PRDM16: variants seen among roughly 807,000 people sequenced by gnomAD.
The protein encoded by PRDM16 is histone-lysine N-methyltransferase PRDM16.
In PRDM16, 23 loss-of-function variants were observed where a neutral mutation model predicts 110.6. That is an observed-to-expected ratio of 0.21 (90% confidence interval 0.15 to 0.29). The LOEUF is 0.29. Ranked by LOEUF, PRDM16 falls within the 10% of genes least tolerant of loss-of-function variation. The probability of loss-of-function intolerance (pLI) is 1.00; values close to 1 mark genes in which losing one functional copy is unlikely to be tolerated. For missense variants in PRDM16, 1,615 were observed against 1,794.3 expected (o/e 0.90, Z 1.81); for synonymous variants, 799 against 781.8 (o/e 1.02, Z -0.37).
At chr1:3,381,395 T>C (rs927771310) in intron 3 of PRDM16, among the ~76,000 whole-genome samples, 9 of 151,282 alleles carry the variant, frequency 5.9e-5, no homozygotes, top group African/African-American at 2.2e-4. Context: ...TCTTGTTTTT[T>C]TCTGGTTTTT....
intron 8 of PRDM16, among the ~76,000 whole-genome samples, chr1:3,406,401 C>T (rs947216148): frequency 2.0e-5 from 3 of 152,028 alleles, no homozygotes; most frequent in Non-Finnish European, 4.4e-5. Flanking sequence ...CGTAGAGGCC[C>T]AGAGGCCAGG....
At chr1:3,283,075 G>T (rs1315899022) in intron 3 of PRDM16, among the ~76,000 whole-genome samples, 1 of 152,242 alleles carries the variant, frequency 6.6e-6, no homozygotes, top group Non-Finnish European at 1.5e-5. Flanking sequence ...TTCCCGAGCA[G>T]GTGCGGGGTG....
chr1:3,340,043 C>T (rs760056780), intron 3 of PRDM16, among the ~76,000 whole-genome samples: 4 of 152,192 alleles, frequency 2.6e-5, no homozygotes, highest in Non-Finnish European at 5.9e-5. Flanking sequence ...ATCTCTGCTG[C>T]GTATGGACGG....
intron 1 of PRDM16, among the ~76,000 whole-genome samples, chr1:3,115,952 G>A (rs1642947535): frequency 6.6e-6 from 1 of 152,118 alleles, no homozygotes; most frequent in Admixed American, 6.5e-5. Flanking sequence ...TGCTATCTAG[G>A]CTGTCCATGC....
Position 3,157,079 on chromosome 1 carries a change from C to T in PRDM16, c.38-29046C>T, listed in dbSNP as rs973919216. ...GAGGTGACCGCCGGCCAGAACCAGCCGTGGCTGCCCAGTCGCCCAGATGGT... is the reference window on the plus strand; with the variant it reads ...GAGGTGACCGCCGGCCAGAACCAGCTGTGGCTGCCCAGTCGCCCAGATGGT... On this transcript the variant is annotated intron_variant, in intron 1 of 16. Coordinates refer to ENST00000270722, the MANE Select transcript of PRDM16 (RefSeq NM_022114.4). This position sits in a 1 kb window ranked among gnomAD's most constrained non-coding sequence, Gnocchi z 4.8. Among the ~76,000 whole-genome samples the T allele has an allele frequency of 6.6e-5, 10 of 152,148 alleles. No individual in the cohort carries two copies. Among genetic ancestry groups the T allele is most frequent in the South Asian group, 2.1e-4 (1 of 4,822 alleles).
chr1:3,428,482 C>A (rs1638681962), intron 14 of PRDM16, among the ~76,000 whole-genome samples: 1 of 152,238 alleles, frequency 6.6e-6, no homozygotes, highest in Non-Finnish European at 1.5e-5. Flanking sequence ...GCACAGCCGG[C>A]CTCAGACGGA....
rs925970826 is a variant in PRDM16, at chr1:3,069,589, G to A, written c.37+293G>A. Among the ~76,000 whole-genome samples, 247 of 149,988 alleles carry A rather than the reference G, an allele frequency of 1.6e-3. 5 individuals carry two copies. The highest frequency in any genetic ancestry group is 3.9e-3 in the East Asian group (19 of 4,904). On this transcript the variant is annotated intron_variant, in intron 1 of 16. Transcript: ENST00000270722. This position sits in a 1 kb window ranked among gnomAD's most constrained non-coding sequence, Gnocchi z 6.1. ...GCGCTCGGGCCCGGGAACCCGAGGCGCGCGGTGGGGGCCGGGGAGGGGGGC... is the reference window on the plus strand; with the variant it reads ...GCGCTCGGGCCCGGGAACCCGAGGCACGCGGTGGGGGCCGGGGAGGGGGGC...
rs1285532018 is a variant in PRDM16, at chr1:3,181,398, GGTCTTACACACGCA to G, written c.38-4713_38-4700del. 9.9e-4 allele frequency among the ~76,000 whole-genome samples: 9 copies of G among 9,050 alleles called. 3 individuals are homozygous for G. The highest frequency in any genetic ancestry group is 3.4e-3 in the Non-Finnish European group (9 of 2,642). The allele number at this position is 9,050 out of a possible 152,430, so 5.9% of individuals were successfully genotyped here. Reference sequence around the variant, plus strand: ...CAGTCTTACACACGGCCTTACGCATGGTCTTACACACGCAGTCTTACACACGCGGTCTTACACAA... The same window carrying G: ...CAGTCTTACACACGGCCTTACGCATGGTCTTACACACGCGGTCTTACACAA... On this transcript the variant is annotated intron_variant, in intron 1 of 16. Transcript: ENST00000270722.
intron 3 of PRDM16, among the ~76,000 whole-genome samples, chr1:3,288,191 TG>T (rs1426161016): frequency 6.6e-6 from 1 of 152,216 alleles, no homozygotes; most frequent in African/African-American, 2.4e-5. Flanking sequence ...AATCCAGCAC[TG>T]GAGGCTGTGG....
chr1:3,332,166 C>T (rs1340502326), intron 3 of PRDM16, among the ~76,000 whole-genome samples: 1 of 152,286 alleles, frequency 6.6e-6, no homozygotes, highest in African/African-American at 2.4e-5. Flanking sequence ...CCTGACAATG[C>T]GCTCACCTCT....
rs193042329 is a variant in PRDM16 at position 3,080,075 on chromosome 1, G to C, written c.37+10779G>C. Among the ~76,000 whole-genome samples, 7 of 152,336 alleles carry C rather than the reference G, an allele frequency of 4.6e-5. No individual in the cohort carries two copies. Among genetic ancestry groups the C allele is most frequent in the Middle Eastern group, 3.4e-3 (1 of 294 alleles). ...AAGGTGGAGAGGCGGCAGCGATCTG[G>C]AGCACTTTTCCGCACGCTGTAACCC... is the stretch of plus-strand genomic sequence containing the variant. On this transcript the variant is annotated intron_variant, in intron 1 of 16. Transcript: ENST00000270722. This position sits in a 1 kb window ranked among gnomAD's most constrained non-coding sequence, Gnocchi z 5.2.
chr1:3,341,552 A>G (rs535229530), intron 3 of PRDM16, among the ~76,000 whole-genome samples: 104 of 152,044 alleles, frequency 6.8e-4, no homozygotes, highest in African/African-American at 2.4e-3. Context: ...AGGATGTCAG[A>G]ACACACACAC....
chr1:3,299,555 G>A (rs372600451), intron 3 of PRDM16, among the ~76,000 whole-genome samples: 28 of 116,892 alleles, frequency 2.4e-4, no homozygotes, highest in African/African-American at 3.6e-4. Flanking sequence ...TGATGTTTCC[G>A]ATCCCAGTCG....
At chr1:3,263,369 C>T (rs1437227056) in intron 3 of PRDM16, among the ~76,000 whole-genome samples, 1 of 152,222 alleles carries the variant, frequency 6.6e-6, no homozygotes, top group Non-Finnish European at 1.5e-5. Context: ...ACAGAGCGTG[C>T]CGCTCTCCCG....
rs1322318133 is a variant in PRDM16 at position 3,396,305 on chromosome 1, AG to A, written c.574-182del. 3 of 670,846 alleles carry A rather than the reference AG, an allele frequency of 4.5e-6. No homozygotes were observed. The East Asian group carries it at 8.7e-5, about 19-fold the overall frequency. 41.6% of individuals were successfully genotyped at this position (670,846 alleles called of 1,614,324 possible). On this transcript the variant is annotated intron_variant, in intron 4 of 16. Coordinates refer to ENST00000270722, the MANE Select transcript of PRDM16 (RefSeq NM_022114.4). ...CTAAAACCCAATAAAGCAAATTAAA[AG>A]GGGACGCAATTCCTTCTGCGCATAC...
chr1:3,412,858 G>C (rs1643716889), intron 9 of PRDM16, 58 bp downstream of exon 9: 1 of 1,366,638 alleles, frequency 7.3e-7, no homozygotes, highest in South Asian at 1.6e-5. Flanking sequence ...GCGGTGCTGG[G>C]CGGGCTCAGT....
rs765027640 is a variant in PRDM16 at position 3,430,924 on chromosome 1, G to A, written c.3337G>A (p.Glu1113Lys). ...GSAQCPGLASEKQEDVEEEDD... is the reference protein window; with the variant it reads ...GSAQCPGLASKKQEDVEEEDD... ...TGCCCAGTGTCCAGGCCTAGCCAGT[G>A]AGAAGCAGGAGGACGTGGAGGAGGA... Residue 1113 changes from glutamate (E) to lysine (K), a missense_variant, in exon 15 of 17, where the codon GAG (glutamate) becomes AAG (lysine). Physicochemically the swap from Glu to Lys is moderately conservative, Grantham distance 56 (BLOSUM62 1). This residue lies in a region of PRDM16 where 327 missense variants were observed against 359.3 expected (regional missense o/e 0.91). Transcript: ENST00000270722. 4 of 1,614,204 alleles carry A rather than the reference G, an allele frequency of 2.5e-6. No homozygotes were observed. Among genetic ancestry groups the A allele is most frequent in the East Asian group, 4.5e-5 (2 of 44,882 alleles).
At chr1:3,297,730 G>T (rs1332882530) in intron 3 of PRDM16, among the ~76,000 whole-genome samples, 6 of 152,210 alleles carry the variant, frequency 3.9e-5, no homozygotes, top group Admixed American at 3.3e-4. Context: ...CAACACCACA[G>T]TCTGGAGCGG....
At chr1:3,267,300 C>G (rs1640318034) in intron 3 of PRDM16, among the ~76,000 whole-genome samples, 1 of 152,184 alleles carries the variant, frequency 6.6e-6, no homozygotes. Context: ...GTTCACTGAA[C>G]ATAATGTTTT....
Sources: gnomAD v4.1 joint callset for allele counts (sites outside exome capture counted in the v4.1 genomes callset) on GRCh38, gnomAD v4.1.1 for gene constraint, gnomAD v4.1.1 regional missense constraint, Gnocchi (gnomAD v3.1) non-coding constraint, MANE v1.5 for transcripts, NCBI Gene and HGNC (gene_info 2026-07-23, HGNC 2026-07-21) for gene names.